ARHGAP45: variants seen among roughly 807,000 people sequenced by gnomAD.
ARHGAP45 encodes the protein rho GTPase-activating protein 45.
A neutral mutation model predicts 116.1 loss-of-function variants in ARHGAP45; 56 were observed. The observed-to-expected ratio is 0.48, with a 90% CI of 0.39 to 0.60. ARHGAP45 has a LOEUF of 0.60. Ranked by LOEUF, ARHGAP45 falls within the 20% of genes least tolerant of loss-of-function variation. The pLI is 0.00. For missense variants in ARHGAP45, 1,622 were observed against 1,601.0 expected, an observed-to-expected ratio of 1.01 and a Z score of -0.22; for synonymous variants, 866 against 701.7, an observed-to-expected ratio of 1.23 and a Z score of -3.70.
At chr19:1,081,163 G>A in intron 17 of ARHGAP45, 99 bp downstream of exon 17, 1 of 1,346,386 alleles carries the variant, frequency 7.4e-7, no homozygotes, top group African/African-American at 1.4e-5. Flanking sequence ...CCGGCCCAGA[G>A]CAGGGAGCAG....
intron 8 of ARHGAP45, 47 bp from the exon 9 acceptor site, chr19:1,074,567 C>T (rs2043201295): frequency 6.7e-7 from 1 of 1,484,942 alleles, no homozygotes. Context: ...CTGGGGCCGC[C>T]CTGCCTCCAT....
chr19:1,078,496 G>T lies in ARHGAP45; in HGVS notation c.1374+451G>T, dbSNP rs2145056569. Among the ~76,000 whole-genome samples the T allele has an allele frequency of 1.4e-5, 2 of 145,866 alleles. 1 individual carries two copies. Among genetic ancestry groups the T allele is most frequent in the African/African-American group, 5.1e-5 (2 of 39,318 alleles). ...TCTGTTGCCCAGGCTGGAGTGCAGT[G>T]GTGAGATCTCACTGCAACCTCCGCC... On this transcript the variant is annotated intron_variant, in intron 11 of 22. Transcript: ENST00000313093.
intron 11 of ARHGAP45, 134 bp downstream of exon 11, chr19:1,078,179 T>C (rs2043314835): frequency 7.2e-7 from 1 of 1,388,088 alleles, no homozygotes; most frequent in African/African-American, 1.5e-5. Context: ...AGTCTTGCTC[T>C]GTCGCCCAGG....
intron 22 of ARHGAP45, 106 bp from the exon 23 acceptor site, chr19:1,085,554 T>TCCTGTCTCTCCATCTCTC (rs2043596357): frequency 1.3e-6 from 1 of 769,824 alleles, no homozygotes; most frequent in Non-Finnish European, 2.1e-6. Context: ...TCTCCATCTC[T>TCCTGTCTCTCCATCTCTC]CTCCCCCCTC....
chr19:1,075,073 C>T (rs1351984010), intron 10 of ARHGAP45, among the ~76,000 whole-genome samples, 194 bp downstream of exon 10: 5 of 151,744 alleles, frequency 3.3e-5, no homozygotes, highest in African/African-American at 9.7e-5. Context: ...AGCCCCGTCG[C>T]CCCCAGCTCT....
Position 1,071,489 on chromosome 19 carries a change from C to A in ARHGAP45, c.422-1660C>A. On this transcript the variant is annotated intron_variant, in intron 2 of 22. Transcript: ENST00000313093. The surrounding 1 kb of genome is among the most constrained non-coding windows in gnomAD (Gnocchi z 4.6). ...GCCTGGCCGTGCGCACCTGGGCATC[C>A]CTGCGCTGCGCAGGGGTCGCGCCGG... The A allele has an allele frequency of 1.4e-6, 1 of 697,034 alleles. No individual in the cohort carries two copies. Among genetic ancestry groups the A allele is most frequent in the East Asian group, 1.0e-4 (1 of 10,016 alleles). 43.2% of individuals were successfully genotyped at this position (697,034 alleles called of 1,614,324 possible).
intron 14 of ARHGAP45, 28 bp from the exon 15 acceptor site, chr19:1,080,436 C>A: frequency 6.2e-7 from 1 of 1,611,986 alleles, no homozygotes; most frequent in Non-Finnish European, 8.5e-7. Flanking sequence ...CCACCCTGGC[C>A]CTTCACCAGA....
At position 1,067,395 on chromosome 19, in the gene ARHGAP45, G is replaced by A. The variant is rs1014055123; in HGVS notation, c.-11G>A. The A allele has an allele frequency of 2.6e-6, 4 of 1,550,724 alleles. No individual in the cohort carries two copies. The highest frequency in any genetic ancestry group is 2.6e-6 in the Non-Finnish European group (3 of 1,150,392). ...AGCCCGCCCCCTCGGGCTCCCGGCC[G>A]GGGCCCCATCATGTTCTCCAGGAAG... On this transcript the variant is annotated 5_prime_UTR_variant, in exon 1 of 23. Transcript: ENST00000313093.
At chr19:1,079,148 C>T (rs1184565125) in intron 11 of ARHGAP45, among the ~76,000 whole-genome samples, 1 of 150,232 alleles carries the variant, frequency 6.7e-6, no homozygotes, top group African/African-American at 2.5e-5. Context: ...CCACTGCACT[C>T]CAGCCTGGGC....
chr19:1,079,861 G>A (rs749497718), intron 12 of ARHGAP45, 21 bp downstream of exon 12: 1 of 1,594,496 alleles, frequency 6.3e-7, no homozygotes, highest in Non-Finnish European at 8.6e-7. Flanking sequence ...TGCTCCGGCC[G>A]CCCGGGCGGG....
rs756755645 is a variant in ARHGAP45, at chr19:1,073,284, A to G, written c.557A>G (p.Lys186Arg). ...ACCGCAGCCGGCACCCTCATTGCCAAGGTCAAAGGTCAGCCTGCTGGAACA... is the reference window on the plus strand; with the variant it reads ...ACCGCAGCCGGCACCCTCATTGCCAGGGTCAAAGGTCAGCCTGCTGGAACA... ...TLTAAGTLIA[K>R]VKAFHYESNN... The change falls in exon 3 of 23, where the codon AAG (lysine) becomes AGG (arginine). Residue 186 changes from lysine (K) to arginine (R), a missense_variant. Lys to Arg is a conservative substitution (Grantham distance 26). Transcript: ENST00000313093. The G allele has an allele frequency of 5.6e-6, 9 of 1,613,248 alleles. No homozygotes were observed. The African/African-American group carries it at 1.2e-4, about 22-fold the overall frequency.
chr19:1,078,064 A>G lies in ARHGAP45; in HGVS notation c.1374+19A>G. On this transcript the variant is annotated intron_variant, in intron 11 of 22. Transcript: ENST00000313093. ...GAACAAGGTGAGGGCGGGTGGAGGC[A>G]GGGCTGGAGGTCCCTGGAGGAGGAG... 6.5e-7 allele frequency: 1 copy of G among 1,539,874 alleles called. No individual in the cohort carries two copies. Among genetic ancestry groups the G allele is most frequent in the Non-Finnish European group, 8.8e-7 (1 of 1,136,732 alleles).
chr19:1,082,070 T>G (rs1211600901), intron 19 of ARHGAP45, 109 bp downstream of exon 19: 44 of 243,404 alleles, frequency 1.8e-4, no homozygotes, highest in Non-Finnish European at 1.9e-4. Flanking sequence ...GGAGCAGGAC[T>G]GGCGCAAGCG....
Position 1,069,921 on chromosome 19 carries a change from A to G in ARHGAP45, c.421+1177A>G, listed in dbSNP as rs375228700. On this transcript the variant is annotated intron_variant, in intron 2 of 22. Transcript: ENST00000313093. The surrounding 1 kb of genome is among the most constrained non-coding windows in gnomAD (Gnocchi z 4.1). ...TACCTTGAACTCCTGGGCTCAAGCCATCCTCCTACCTCTGCCTCCCGAGTA... is the reference window on the plus strand; with the variant it reads ...TACCTTGAACTCCTGGGCTCAAGCCGTCCTCCTACCTCTGCCTCCCGAGTA... Among the ~76,000 whole-genome samples, 1 of 150,874 alleles carries G rather than the reference A, an allele frequency of 6.6e-6. No individual in the cohort carries two copies. Among genetic ancestry groups the G allele is most frequent in the Non-Finnish European group, 1.5e-5 (1 of 67,856 alleles).
chr19:1,074,237 G>T lies in ARHGAP45; in HGVS notation c.924G>T (p.Thr308=), dbSNP rs761820565. The change falls in exon 7 of 23, where the codon ACG becomes ACT. Residue 308 remains threonine, a synonymous_variant. Coordinates refer to ENST00000313093, the MANE Select transcript of ARHGAP45 (RefSeq NM_012292.5). ...DLISYLEKRT[T]LEMEFAKGLQ... is the part of the protein sequence containing the mutation. ...TCAGCTACCTGGAGAAGCGGACGACGCTGGGTGAGAGCTGGTGTCCCAGCA... is the reference window on the plus strand; with the variant it reads ...TCAGCTACCTGGAGAAGCGGACGACTCTGGGTGAGAGCTGGTGTCCCAGCA... 3.7e-6 allele frequency: 6 copies of T among 1,612,876 alleles called. No homozygotes were observed. The African/African-American group carries it at 6.7e-5, about 18-fold the overall frequency.
At position 1,085,976 on chromosome 19, in the gene ARHGAP45, C is replaced by T. The variant is rs759934891; in HGVS notation, c.3381C>T (p.Ser1127=). 6 of 1,612,722 alleles carry T rather than the reference C, an allele frequency of 3.7e-6. No individual in the cohort carries two copies. The Admixed American group carries it at 8.3e-5, about 22-fold the overall frequency. The change falls in exon 23 of 23, where the codon TCC becomes TCT. Residue 1127 remains serine (S), a synonymous_variant. Transcript: ENST00000313093. ...GTGGCGGGCGGATGACACTGGGCTCCTGCAGGGAAAGGCAGCCGGAATTCG... is the reference window on the plus strand; with the variant it reads ...GTGGCGGGCGGATGACACTGGGCTCTTGCAGGGAAAGGCAGCCGGAATTCG... ...RLRGGRMTLG[S]CRERQPEFV
In ARHGAP45 at chr19:1,077,902, C is replaced by A; in HGVS notation, c.1231C>A (p.Gln411Lys). The change falls in exon 11 of 23, where the codon CAG (glutamine) becomes AAG (lysine). Residue 411 changes from glutamine (Q) to lysine (K), a missense_variant. Transcript: ENST00000313093. ...NLRKAKQGYV[Q>K]RCEDHDKARF... Reference sequence around the variant, plus strand: ...GCGCAAGGCCAAGCAGGGTTACGTGCAGCGCTGCGAGGACCACGACAAGGC... The same window carrying A: ...GCGCAAGGCCAAGCAGGGTTACGTGAAGCGCTGCGAGGACCACGACAAGGC... 6.4e-7 allele frequency: 1 copy of A among 1,554,604 alleles called. No homozygotes were observed. The highest frequency in any genetic ancestry group is 8.7e-7 in the Non-Finnish European group (1 of 1,148,788).
Position 1,085,702 on chromosome 19 carries a change from A to G in ARHGAP45, c.3107A>G (p.Glu1036Gly). 6.3e-7 allele frequency: 1 copy of G among 1,599,978 alleles called. No individual in the cohort carries two copies. The highest frequency in any genetic ancestry group is 1.1e-5 in the South Asian group (1 of 90,236). Residue 1036 changes from glutamate to glycine, a missense_variant, in exon 23 of 23, where the codon GAG becomes GGG. Around this residue, in one of 3 missense-constraint regions of ARHGAP45, gnomAD observed 1,334 missense variants for 1,263.8 expected, o/e 1.06. Coordinates refer to ENST00000313093, the MANE Select transcript of ARHGAP45 (RefSeq NM_012292.5). ...VSNDSDSDLE[E>G]ASELLSSSEA... ...AACGATTCGGACTCGGACCTAGAGG[A>G]GGCCTCCGAGCTGCTGTCCTCATCG...
intron 10 of ARHGAP45, among the ~76,000 whole-genome samples, chr19:1,076,448 T>G: frequency 6.6e-6 from 1 of 151,440 alleles, no homozygotes; most frequent in Non-Finnish European, 1.5e-5. Context: ...GTGGCCTATT[T>G]TGCCAGGTAG....
Sources: allele counts gnomAD v4.1 joint callset (sites outside exome capture counted in the v4.1 genomes callset), GRCh38; gene constraint gnomAD v4.1.1; regional missense constraint gnomAD v4.1.1; non-coding constraint Gnocchi (gnomAD v3.1); transcripts MANE v1.5; gene names NCBI Gene and HGNC (gene_info 2026-07-23, HGNC 2026-07-21).